The following XNDC1N variants were observed in gnomAD, a reference collection of about 807,000 sequenced individuals.
XNDC1N encodes protein XNDC1N.
chr11:71,910,185 C>T, the XNDC1N span, among the ~76,000 whole-genome samples: 3 of 152,206 alleles, frequency 2.0e-5, no homozygotes, highest in Admixed American at 1.3e-4. Context: ...TCCCAAGCCA[C>T]GGACCAAGGA....
the XNDC1N span, among the ~76,000 whole-genome samples, chr11:71,911,439 A>G: frequency 3.9e-5 from 6 of 152,168 alleles, no homozygotes; most frequent in African/African-American, 1.4e-4. Context: ...GAGACTGGGA[A>G]CTATATGTGG....
At chr11:71,903,582 A>G in the XNDC1N span, 3 of 658,402 alleles carry the variant, frequency 4.6e-6, no homozygotes, top group Admixed American at 6.2e-5. Context: ...GTCACCCTCC[A>G]TATCGTTCAG....
At chr11:71,928,386 A>G in the XNDC1N span, 1 of 684,388 alleles carries the variant, frequency 1.5e-6, no homozygotes, top group Non-Finnish European at 2.7e-6. Flanking sequence ...GACCTCGAGG[A>G]GCCACCGTTG....
At chr11:71,925,049 C>T in the XNDC1N span, among the ~76,000 whole-genome samples, 2 of 151,874 alleles carry the variant, frequency 1.3e-5, no homozygotes, top group South Asian at 4.2e-4. Context: ...ATTGCCTCTG[C>T]TTGGAATGTT....
the XNDC1N span, among the ~76,000 whole-genome samples, chr11:71,920,013 A>C: frequency 8.7e-6 from 1 of 115,050 alleles, no homozygotes; most frequent in Non-Finnish European, 1.6e-5. Flanking sequence ...GCTGGAGTGC[A>C]GTGGTGCAAT....
the XNDC1N span, among the ~76,000 whole-genome samples, chr11:71,898,289 G>A: frequency 6.6e-5 from 10 of 151,786 alleles, no homozygotes; most frequent in East Asian, 1.2e-3. Flanking sequence ...AGACATTATC[G>A]TCAGTGAAAT....
At chr11:71,909,973 C>T in the XNDC1N span, among the ~76,000 whole-genome samples, 67 of 152,290 alleles carry the variant, frequency 4.4e-4, no homozygotes, top group Non-Finnish European at 7.8e-4. Context: ...AAGACCAGCT[C>T]TGGCTAAGCG....
At chr11:71,865,814 A>T in the XNDC1N span, 3 of 445,318 alleles carry the variant, frequency 6.7e-6, no homozygotes, top group Non-Finnish European at 1.3e-5. Context: ...ATATTGTAGG[A>T]TGTTTAGCAG....
the XNDC1N span, among the ~76,000 whole-genome samples, chr11:71,888,963 C>A: frequency 6.6e-6 from 1 of 152,186 alleles, no homozygotes; most frequent in African/African-American, 2.4e-5. Flanking sequence ...TGGGACCAGC[C>A]TTGGGCATCA....
At chr11:71,898,612 CA>C in the XNDC1N span, among the ~76,000 whole-genome samples, 1 of 152,220 alleles carries the variant, frequency 6.6e-6, no homozygotes, top group East Asian at 1.9e-4. Flanking sequence ...GTTTCCAAAA[CA>C]AAACAATTAA....
the XNDC1N span, among the ~76,000 whole-genome samples, chr11:71,904,271 T>C: frequency 1.6e-4 from 24 of 152,188 alleles, no homozygotes; most frequent in East Asian, 3.5e-3. Flanking sequence ...TGTCACAGAG[T>C]ACACACACAT....
At chr11:71,880,702 T>C in the XNDC1N span, among the ~76,000 whole-genome samples, 1 of 152,210 alleles carries the variant, frequency 6.6e-6, no homozygotes, top group African/African-American at 2.4e-5. Context: ...GGCTTTGGTA[T>C]GTTGTGTTTC....
the XNDC1N span, among the ~76,000 whole-genome samples, chr11:71,921,231 T>A: frequency 3.3e-5 from 5 of 152,218 alleles, no homozygotes; most frequent in South Asian, 6.2e-4. Flanking sequence ...CACAGCTCAC[T>A]GTAGCCTTAA....
At chr11:71,884,656 A>G in the XNDC1N span, 2 of 1,433,974 alleles carry the variant, frequency 1.4e-6, no homozygotes, top group Non-Finnish European at 1.9e-6. Context: ...GAAAATTATT[A>G]TAATTGCATG....
At chr11:71,928,226 C>T in the XNDC1N span, 1 of 539,342 alleles carries the variant, frequency 1.9e-6, no homozygotes, top group Non-Finnish European at 3.3e-6. Flanking sequence ...GGCTCTTCAG[C>T]TCTCAGTTTC....
the XNDC1N span, among the ~76,000 whole-genome samples, chr11:71,915,732 G>A: frequency 1.8e-4 from 28 of 152,238 alleles, no homozygotes; most frequent in African/African-American, 6.7e-4. Context: ...GTGCTCAAAG[G>A]AAAAGTCTGA....
chr11:71,918,581 CG>C, the XNDC1N span, among the ~76,000 whole-genome samples: 4 of 152,186 alleles, frequency 2.6e-5, no homozygotes, highest in Non-Finnish European at 4.4e-5. Context: ...TGTGCCTGGC[CG>C]GGATTTATAA....
the XNDC1N span, among the ~76,000 whole-genome samples, chr11:71,880,595 G>A: frequency 6.6e-6 from 1 of 151,936 alleles, no homozygotes; most frequent in African/African-American, 2.4e-5. Flanking sequence ...TGTTCCTTGA[G>A]GTGCATAGTA....
the XNDC1N span, among the ~76,000 whole-genome samples, chr11:71,901,031 G>A: frequency 6.6e-6 from 1 of 152,140 alleles, no homozygotes; most frequent in African/African-American, 2.4e-5. Flanking sequence ...GGGGTTCCTT[G>A]TAGAACACAG....
Sources: allele counts gnomAD v4.1 joint callset (sites outside exome capture counted in the v4.1 genomes callset), GRCh38; gene constraint gnomAD v4.1.1; transcripts MANE v1.5; gene names NCBI Gene and HGNC (gene_info 2026-07-23, HGNC 2026-07-21).